Variants in RANBP17 observed in about 807,000 individuals in gnomAD.
RANBP17 encodes the protein ran-binding protein 17.
Under a neutral mutation model 141.2 loss-of-function variants are expected in RANBP17, and 158 were observed. The ratio of observed to expected loss-of-function variants is 1.12; its 90% CI spans 0.98 to 1.28. RANBP17 has a LOEUF of 1.28. Among genes scored for constraint, RANBP17 ranks in the 50% most tolerant of loss-of-function variants. The pLI is 0.00. For synonymous variants in RANBP17, 430 were observed against 450.0 expected (o/e 0.96, Z 0.56); for missense variants, 1,438 against 1,290.7 (o/e 1.11, Z -1.75).
intron 14 of RANBP17, among the ~76,000 whole-genome samples, chr5:171,141,962 T>C (rs941188235): frequency 2.0e-5 from 3 of 152,220 alleles, no homozygotes; most frequent in Admixed American, 1.3e-4. Context: ...GTATGTCATA[T>C]AAAATGCGTA....
At chr5:171,117,037 A>G (rs1197806894) in intron 14 of RANBP17, among the ~76,000 whole-genome samples, 1 of 152,180 alleles carries the variant, frequency 6.6e-6, no homozygotes. Context: ...GTGTATGTGT[A>G]CCACATTTTC....
chr5:171,058,825 T>A (rs1783595869), intron 14 of RANBP17, among the ~76,000 whole-genome samples: 1 of 149,830 alleles, frequency 6.7e-6, no homozygotes, highest in Non-Finnish European at 1.5e-5. Context: ...CAGCACCTGT[T>A]GTTTCCTGAC....
intron 21 of RANBP17, among the ~76,000 whole-genome samples, chr5:171,220,213 G>T (rs751560452): frequency 3.3e-5 from 5 of 152,144 alleles, no homozygotes; most frequent in African/African-American, 7.2e-5. Context: ...GGTATCACCA[G>T]TGGAGGCTGC....
intron 18 of RANBP17, among the ~76,000 whole-genome samples, chr5:171,184,806 T>C (rs1043670607): frequency 6.6e-6 from 1 of 152,200 alleles, no homozygotes; most frequent in African/African-American, 2.4e-5. Flanking sequence ...AAACTTACTG[T>C]ACTGTAGTCT....
intron 14 of RANBP17, among the ~76,000 whole-genome samples, chr5:171,141,067 C>G (rs187646228): frequency 6.6e-6 from 1 of 152,298 alleles, no homozygotes; most frequent in East Asian, 1.9e-4. Flanking sequence ...CTACCTGATT[C>G]TTCCTCACAA....
At chr5:171,275,977 T>C (rs912208002) in intron 25 of RANBP17, among the ~76,000 whole-genome samples, 1 of 152,200 alleles carries the variant, frequency 6.6e-6, no homozygotes, top group Non-Finnish European at 1.5e-5. Flanking sequence ...CTGGTTTATG[T>C]AGCCTTTAGG....
intron 13 of RANBP17, among the ~76,000 whole-genome samples, chr5:170,959,156 C>G (rs1775953949): frequency 6.6e-6 from 1 of 152,126 alleles, no homozygotes; most frequent in African/African-American, 2.4e-5. Flanking sequence ...CACCCTGTGT[C>G]TCTCATTGCT....
intron 14 of RANBP17, among the ~76,000 whole-genome samples, chr5:171,108,315 A>G (rs1010212486): frequency 1.3e-5 from 2 of 152,176 alleles, no homozygotes; most frequent in African/African-American, 2.4e-5. Context: ...TTAGAGTTAC[A>G]TATGTCAAAT....
intron 14 of RANBP17, among the ~76,000 whole-genome samples, chr5:171,134,039 ATAT>A (rs1488569614): frequency 6.6e-6 from 1 of 152,246 alleles, no homozygotes; most frequent in Non-Finnish European, 1.5e-5. Context: ...TTTTCATGAA[ATAT>A]TATTTTTTGA....
rs181965950 is a variant in RANBP17 at position 171,072,258 on chromosome 5, T to C, written c.1711-97872T>C. Among the ~76,000 whole-genome samples the C allele has an allele frequency of 2.0e-5, 3 of 152,222 alleles. No individual in the cohort carries two copies. The East Asian group carries it at 5.8e-4, about 29-fold the overall frequency. ...AGCTAGAAAAAGCATGGAAATGGAC[T>C]TTCCCCTAGAACCTCAAGAAAGGAA... On this transcript the variant is annotated intron_variant, in intron 14 of 27. Transcript: ENST00000523189.
chr5:171,051,678 A>T (rs975564942), intron 14 of RANBP17, among the ~76,000 whole-genome samples: 2 of 152,084 alleles, frequency 1.3e-5, no homozygotes, highest in African/African-American at 2.4e-5. Context: ...TTTGGCTCTT[A>T]CAAGTAATGT....
chr5:171,266,072 G>A (rs1766655203), intron 25 of RANBP17, among the ~76,000 whole-genome samples: 2 of 152,158 alleles, frequency 1.3e-5, no homozygotes. Flanking sequence ...CACCTCAGTG[G>A]AGCTAGAATT....
At chr5:171,015,432 A>G (rs907258446) in intron 14 of RANBP17, among the ~76,000 whole-genome samples, 2 of 152,102 alleles carry the variant, frequency 1.3e-5, no homozygotes, top group African/African-American at 4.8e-5. Context: ...AATCATATCC[A>G]GTCTATTTTT....
chr5:170,952,210 A>G (rs1347495235), intron 12 of RANBP17, among the ~76,000 whole-genome samples: 1 of 152,046 alleles, frequency 6.6e-6, no homozygotes, highest in Admixed American at 6.6e-5. Flanking sequence ...AACTTTCTGG[A>G]TACTTTCAGC....
intron 14 of RANBP17, among the ~76,000 whole-genome samples, chr5:171,111,117 T>C (rs1373923897): frequency 1.3e-5 from 2 of 152,112 alleles, no homozygotes; most frequent in African/African-American, 4.8e-5. Flanking sequence ...GAGAGTTTGA[T>C]CTGCTTTCAG....
At chr5:170,896,663 C>A (rs1384374375) in intron 5 of RANBP17, among the ~76,000 whole-genome samples, 6 of 152,130 alleles carry the variant, frequency 3.9e-5, no homozygotes, top group African/African-American at 1.2e-4. Context: ...AACCCCATCT[C>A]TACTAAAAAT....
intron 14 of RANBP17, among the ~76,000 whole-genome samples, chr5:171,050,639 A>C (rs1277603664): frequency 2.0e-5 from 3 of 152,156 alleles, no homozygotes; most frequent in South Asian, 2.1e-4. Flanking sequence ...TGCAGGAGTG[A>C]GATCGTGCCA....
intron 14 of RANBP17, among the ~76,000 whole-genome samples, chr5:171,052,933 A>G (rs927863141): frequency 3.9e-5 from 4 of 102,896 alleles, no homozygotes; most frequent in Non-Finnish European, 8.8e-5. Context: ...GCTCACAGCA[A>G]CCTCTGCCTC....
At chr5:171,274,153 CGCGCGCGCGCGT>C (rs1561820543) in intron 25 of RANBP17, among the ~76,000 whole-genome samples, 3 of 136,876 alleles carry the variant, frequency 2.2e-5, no homozygotes, top group Non-Finnish European at 3.1e-5. Context: ...TGTGTGTGCG[CGCGCGCGCGCGT>C]GCGCAAAATC....
Sources: allele counts gnomAD v4.1 joint callset (sites outside exome capture counted in the v4.1 genomes callset), GRCh38; gene constraint gnomAD v4.1.1; transcripts MANE v1.5; gene names NCBI Gene and HGNC (gene_info 2026-07-23, HGNC 2026-07-21).